The following DARS1 variants were observed in gnomAD, a reference collection of about 807,000 sequenced individuals.
DARS1 encodes aspartate--tRNA ligase, cytoplasmic.
DARS1 carries 51 observed loss-of-function variants against 68.8 expected under a neutral mutation model. The ratio of observed to expected loss-of-function variants is 0.74; its 90% CI spans 0.59 to 0.94. The LOEUF (loss-of-function observed/expected upper bound fraction) is 0.94, where lower values mean the gene tolerates loss of function less well. Among genes scored for constraint, DARS1 ranks in the 40% least tolerant of loss-of-function variants. The pLI is 0.00. For missense variants in DARS1, 607 were observed against 597.3 expected (o/e 1.02, Z -0.17); for synonymous variants, 203 against 190.4 (o/e 1.07, Z -0.55).
At chr2:135,979,979 C>A (rs905769724) in intron 2 of DARS1, among the ~76,000 whole-genome samples, 4 of 152,188 alleles carry the variant, frequency 2.6e-5, no homozygotes, top group Admixed American at 6.5e-5. Context: ...AGGCCCAGGG[C>A]TGCAGCTTTC....
chr2:135,982,323 G>A (rs370101139), intron 2 of DARS1, among the ~76,000 whole-genome samples: 1 of 152,146 alleles, frequency 6.6e-6, no homozygotes, highest in African/African-American at 2.4e-5. Flanking sequence ...GGCCGGGTGC[G>A]GTGGCTCACA....
At chr2:135,913,688 G>T (rs528854995) in intron 12 of DARS1, among the ~76,000 whole-genome samples, 2 of 151,970 alleles carry the variant, frequency 1.3e-5, no homozygotes, top group Admixed American at 6.5e-5. Context: ...AACCCAGGGG[G>T]TGGAGGTTGT....
In DARS1 at chr2:135,979,351, C is replaced by T. The variant is rs149273394; in HGVS notation, c.140G>A (p.Arg47Gln). The T allele has an allele frequency of 9.9e-6, 14 of 1,414,512 alleles. No homozygotes were observed. The highest frequency in any genetic ancestry group is 3.4e-5 in the Admixed American group (2 of 59,668). The allele number at this position is 1,414,512 out of a possible 1,614,324, so 87.6% of individuals were successfully genotyped here. ...TTTTTGTATTGTCAAGTCTCTAACC[C>T]GAACCAAAACTCGATCTGTAATAAC... ...SQEKPDRVLVRVRDLTIQKAD... is the reference protein window; with the variant it reads ...SQEKPDRVLVQVRDLTIQKAD... The change falls in exon 3 of 16, where the codon CGG becomes CAG. Residue 47 changes from arginine (R) to glutamine (Q), a missense_variant. Arg to Gln is a conservative substitution (Grantham distance 43). Transcript: ENST00000264161.
At chr2:135,985,300 G>T in intron 1 of DARS1, 103 bp downstream of exon 1, 3 of 1,467,038 alleles carry the variant, frequency 2.0e-6, no homozygotes, top group South Asian at 2.7e-5. Flanking sequence ...TGCGGAGAAC[G>T]TGCCGACAAG....
chr2:135,926,535 T>C (rs1681215075), intron 7 of DARS1, among the ~76,000 whole-genome samples: 1 of 152,236 alleles, frequency 6.6e-6, no homozygotes, highest in Non-Finnish European at 1.5e-5. Context: ...TAGAAGATTC[T>C]AGCTTTTAAA....
Position 135,957,309 on chromosome 2 carries a change from C to T in DARS1, c.320+4087G>A, listed in dbSNP as rs550583858. On this transcript the variant is annotated intron_variant, in intron 4 of 15. Coordinates refer to ENST00000264161, the MANE Select transcript of DARS1 (RefSeq NM_001349.4). ...GTGGCACAATCTTGGCTCACTGCAA[C>T]CTTCGCCTCCTGGGTTCAACCGATT... Among the ~76,000 whole-genome samples, 11 of 151,968 alleles carry T rather than the reference C, an allele frequency of 7.2e-5. 1 individual carries two copies. In the East Asian group the frequency reaches 1.9e-3, roughly 27 times the overall value.
chr2:135,971,661 G>C (rs887079676), intron 3 of DARS1, among the ~76,000 whole-genome samples: 4 of 152,170 alleles, frequency 2.6e-5, no homozygotes, highest in Middle Eastern at 3.4e-3. Context: ...ATCCTTTTTT[G>C]TGGATGCTAT....
rs141112971 is a variant in DARS1 at position 135,983,197 on chromosome 2, T to A, written c.124+200A>T. Among the ~76,000 whole-genome samples, 697 of 152,248 alleles carry A rather than the reference T, an allele frequency of 4.6e-3. 5 individuals carry two copies. The highest frequency in any genetic ancestry group is 0.015 in the African/African-American group (636 of 41,524). ...TTTAACCTACAATACCTAATAACAT[T>A]TTTTTTCCTTTTCTAGAGTTGGAAC... is the stretch of plus-strand genomic sequence containing the variant. On this transcript the variant is annotated intron_variant, in intron 2 of 15. Transcript: ENST00000264161.
intron 7 of DARS1, among the ~76,000 whole-genome samples, chr2:135,930,866 CCTG>C (rs1681327049): frequency 6.6e-6 from 1 of 152,184 alleles, no homozygotes; most frequent in African/African-American, 2.4e-5. Flanking sequence ...CTCCTAACAA[CCTG>C]CTAACCTATG....
chr2:135,910,275 AT>A (rs770644464), intron 15 of DARS1, among the ~76,000 whole-genome samples: 2 of 152,180 alleles, frequency 1.3e-5, no homozygotes, highest in Non-Finnish European at 2.9e-5. Flanking sequence ...CCAATTTTAC[AT>A]TCCCATCAAC....
intron 3 of DARS1, among the ~76,000 whole-genome samples, chr2:135,966,017 A>G (rs1212013917): frequency 6.6e-6 from 1 of 152,244 alleles, no homozygotes; most frequent in African/African-American, 2.4e-5. Flanking sequence ...ACCTTACTGC[A>G]TGATTAGCTT....
chr2:135,973,643 T>G (rs918142440), intron 3 of DARS1, among the ~76,000 whole-genome samples: 1 of 152,002 alleles, frequency 6.6e-6, no homozygotes, highest in African/African-American at 2.4e-5. Flanking sequence ...TAGCTTGAGC[T>G]CATGAGTTTC....
chr2:135,985,187 G>C (rs1030193268), intron 1 of DARS1: 6 of 700,224 alleles, frequency 8.6e-6, no homozygotes, highest in Non-Finnish European at 1.1e-5. Context: ...GCTTCTAGTA[G>C]GCCAAACTCC....
At chr2:135,935,798 C>G (rs1030599303) in intron 5 of DARS1, among the ~76,000 whole-genome samples, 1 of 152,004 alleles carries the variant, frequency 6.6e-6, no homozygotes, top group African/African-American at 2.4e-5. Context: ...AAAGCACAAA[C>G]GGGAAAAATA....
intron 10 of DARS1, among the ~76,000 whole-genome samples, chr2:135,916,917 C>G (rs893170885): frequency 1.3e-5 from 2 of 152,074 alleles, no homozygotes; most frequent in African/African-American, 2.4e-5. Flanking sequence ...CTATTTTTGA[C>G]CGGGTGCAGT....
chr2:135,982,093 G>T (rs1332996181), intron 2 of DARS1, among the ~76,000 whole-genome samples: 2 of 152,118 alleles, frequency 1.3e-5, no homozygotes, highest in Non-Finnish European at 2.9e-5. Context: ...TGCTTCCAAT[G>T]GGCAAGAATG....
chr2:135,947,313 CAGA>C (rs1203030283), intron 4 of DARS1, among the ~76,000 whole-genome samples: 1 of 150,426 alleles, frequency 6.6e-6, no homozygotes, highest in Non-Finnish European at 1.5e-5. Context: ...GAGGCTGAGG[CAGA>C]AGAATTGCTT....
chr2:135,977,809 T>C (rs1001197009), intron 3 of DARS1, among the ~76,000 whole-genome samples: 1 of 152,170 alleles, frequency 6.6e-6, no homozygotes, highest in Non-Finnish European at 1.5e-5. Context: ...AATGGGCATG[T>C]ATTAATTCTA....
intron 4 of DARS1, among the ~76,000 whole-genome samples, chr2:135,949,626 G>A (rs982525650): frequency 6.6e-6 from 1 of 152,122 alleles, no homozygotes; most frequent in African/African-American, 2.4e-5. Flanking sequence ...TAGGGAATTA[G>A]ATGTGCCAAC....
Sources: allele counts gnomAD v4.1 joint callset (sites outside exome capture counted in the v4.1 genomes callset), GRCh38; gene constraint gnomAD v4.1.1; transcripts MANE v1.5; gene names NCBI Gene and HGNC (gene_info 2026-07-23, HGNC 2026-07-21).